Variants in ENPP1 observed in about 807,000 individuals in gnomAD.
The protein encoded by ENPP1 is ectonucleotide pyrophosphatase/phosphodiesterase family member 1.
ENPP1 carries 73 observed loss-of-function variants against 122.8 expected under a neutral mutation model. That is an observed-to-expected ratio of 0.59 (90% CI 0.49 to 0.72). The LOEUF is 0.72. Among genes scored for constraint, ENPP1 ranks in the 30% least tolerant of loss-of-function variants. ENPP1 has a pLI of 0.00. For synonymous variants in ENPP1, 367 were observed against 391.6 expected (o/e 0.94, Z 0.74); for missense variants, 978 against 1,128.1 (o/e 0.87, Z 1.91).
At chr6:131,815,667 C>G (rs897052386) in intron 1 of ENPP1, among the ~76,000 whole-genome samples, 2 of 150,706 alleles carry the variant, frequency 1.3e-5, no homozygotes, top group Non-Finnish European at 2.9e-5. Flanking sequence ...GGCCATTAAC[C>G]TTTCTAGAGC....
rs975968949 is a variant in ENPP1, at chr6:131,892,998, C to T, written c.*2487C>T. 2 of 152,134 alleles carry T rather than the reference C, an allele frequency of 1.3e-5. No individual in the cohort carries two copies. The highest frequency in any genetic ancestry group is 2.9e-5 in the Non-Finnish European group (2 of 68,026). 9.4% of individuals were successfully genotyped at this position (152,134 alleles called of 1,614,324 possible). ...AGCTGAAAAGAAAATGTAGGGAACTCATCACAGTGTTGTTACTTGGGCCCC... is the reference window on the plus strand; with the variant it reads ...AGCTGAAAAGAAAATGTAGGGAACTTATCACAGTGTTGTTACTTGGGCCCC... On this transcript the variant is annotated 3_prime_UTR_variant, in exon 25 of 25. Transcript: ENST00000647893.
At chr6:131,850,168 T>G (rs894373120) in intron 3 of ENPP1, 62 bp downstream of exon 3, 1 of 1,167,816 alleles carries the variant, frequency 8.6e-7, no homozygotes, top group South Asian at 1.2e-5. Flanking sequence ...AGGAAAGTTC[T>G]GTGTCTTTCA....
At chr6:131,850,190 T>C in intron 3 of ENPP1, 84 bp downstream of exon 3, 2 of 957,244 alleles carry the variant, frequency 2.1e-6, no homozygotes, top group Non-Finnish European at 1.7e-6. Context: ...GTATGTGATT[T>C]ACCTAATTCA....
chr6:131,886,849 A>G (rs1782384857), intron 24 of ENPP1, 125 bp downstream of exon 24: 2 of 662,248 alleles, frequency 3.0e-6, no homozygotes, highest in Middle Eastern at 2.6e-4. Flanking sequence ...CTTCGAAATT[A>G]TAGGATGCTT....
intron 13 of ENPP1, 90 bp downstream of exon 13, chr6:131,869,579 A>G (rs1334477605): frequency 7.0e-7 from 1 of 1,425,186 alleles, no homozygotes; most frequent in Non-Finnish European, 9.8e-7. Flanking sequence ...CTGTAATCGC[A>G]GCACTTTGGG....
chr6:131,879,245 G>A (rs1782271642), intron 19 of ENPP1, among the ~76,000 whole-genome samples: 1 of 152,144 alleles, frequency 6.6e-6, no homozygotes, highest in South Asian at 2.1e-4. Context: ...GTATTGTGGT[G>A]AATGATGGCA....
At chr6:131,840,432 CA>C (rs1472821862) in intron 1 of ENPP1, among the ~76,000 whole-genome samples, 1 of 152,206 alleles carries the variant, frequency 6.6e-6, no homozygotes, top group African/African-American at 2.4e-5. Flanking sequence ...AGTTGACAAA[CA>C]TTGGTAAAGT....
chr6:131,882,534 A>G, intron 21 of ENPP1, 60 bp downstream of exon 21: 1 of 1,248,562 alleles, frequency 8.0e-7, no homozygotes, highest in Non-Finnish European at 1.1e-6. Flanking sequence ...TCTTGTTTAT[A>G]AATCCTACCA....
chr6:131,872,729 T>C (rs1483371473), intron 14 of ENPP1, among the ~76,000 whole-genome samples, 194 bp from the exon 15 acceptor site: 1 of 152,118 alleles, frequency 6.6e-6, no homozygotes, highest in East Asian at 1.9e-4. Flanking sequence ...TTCATCTGAC[T>C]TATTGGGCCA....
At chr6:131,866,246 CTCTT>C (rs1447654271) in intron 11 of ENPP1, among the ~76,000 whole-genome samples, 1 of 152,108 alleles carries the variant, frequency 6.6e-6, no homozygotes. Context: ...AAAAAAAACA[CTCTT>C]TCTTAATTTT....
At chr6:131,858,562 G>A (rs1442430801) in intron 6 of ENPP1, 106 bp from the exon 7 acceptor site, 1 of 727,620 alleles carries the variant, frequency 1.4e-6, no homozygotes, top group African/African-American at 1.8e-5. Flanking sequence ...ATCCCTCCTG[G>A]GCTAATTTTT....
intron 1 of ENPP1, among the ~76,000 whole-genome samples, chr6:131,819,623 G>T (rs922280546): frequency 1.3e-5 from 2 of 152,200 alleles, no homozygotes; most frequent in African/African-American, 4.8e-5. Context: ...ATGTCAGTCA[G>T]CCAGTTCCCT....
chr6:131,858,542 T>A, intron 6 of ENPP1, 126 bp from the exon 7 acceptor site: 1 of 652,798 alleles, frequency 1.5e-6, no homozygotes. Flanking sequence ...TGAATTTTTA[T>A]CTGATTAAAA....
In ENPP1 at chr6:131,864,547, G is replaced by A; in HGVS notation, c.1067G>A (p.Trp356Ter). Residue 356 changes from tryptophan to a stop codon, truncating the protein, a stop_gained, in exon 10 of 25, where the codon TGG (tryptophan) becomes TAG (stop). Transcript: ENST00000647893. LOFTEE classifies it high-confidence loss of function. Reference protein sequence around the residue: ...FEERILAVLQWLQLPKDERPH... With the variant: ...FEERILAVLQ ...GAAAGGATTTTAGCTGTTCTTCAGTGGCTACAGCTTCCTAAAGATGAAAGG... is the reference window on the plus strand; with the variant it reads ...GAAAGGATTTTAGCTGTTCTTCAGTAGCTACAGCTTCCTAAAGATGAAAGG... 1 of 1,609,814 alleles carries A rather than the reference G, an allele frequency of 6.2e-7. No homozygotes were observed. Among genetic ancestry groups the A allele is most frequent in the Non-Finnish European group, 8.5e-7 (1 of 1,176,472 alleles).
rs1023846122 is a variant in ENPP1 at position 131,851,274 on chromosome 6, T to A, written c.556+7T>A. The A allele has an allele frequency of 6.2e-7, 1 of 1,613,990 alleles. No individual in the cohort carries two copies. Among genetic ancestry groups the A allele is most frequent in the African/African-American group, 1.3e-5 (1 of 74,930 alleles). On this transcript the variant is annotated splice_region_variant and intron_variant, in intron 4 of 24. Transcript: ENST00000647893. ...TACAGTTCTGTGTGTCAAGGTCAGGTGCTCGTTGGGCTCTGCAGCAGCCTG... is the reference window on the plus strand; with the variant it reads ...TACAGTTCTGTGTGTCAAGGTCAGGAGCTCGTTGGGCTCTGCAGCAGCCTG...
At chr6:131,826,297 TG>T in intron 1 of ENPP1, 2 of 1,359,902 alleles carry the variant, frequency 1.5e-6, no homozygotes, top group Non-Finnish European at 1.0e-6. Context: ...ACTCAGATAC[TG>T]GATTTCTTCT....
intron 18 of ENPP1, among the ~76,000 whole-genome samples, chr6:131,878,067 C>G (rs1329911986): frequency 6.6e-6 from 1 of 151,426 alleles, no homozygotes; most frequent in African/African-American, 2.4e-5. Context: ...TCTTTTGCAA[C>G]TGTCATTCCT....
At chr6:131,862,249 G>A (rs1239600222) in intron 9 of ENPP1, among the ~76,000 whole-genome samples, 1 of 152,070 alleles carries the variant, frequency 6.6e-6, no homozygotes, top group African/African-American at 2.4e-5. Flanking sequence ...GAGAAACACC[G>A]ATAACGTGTT....
rs1028464852 is a variant in ENPP1 at position 131,891,617 on chromosome 6, A to G, written c.*1106A>G. 1 of 152,226 alleles carries G rather than the reference A, an allele frequency of 6.6e-6. No individual in the cohort carries two copies. The highest frequency in any genetic ancestry group is 2.4e-5 in the African/African-American group (1 of 41,470). The allele number at this position is 152,226 out of a possible 1,614,324, so 9.4% of individuals were successfully genotyped here. On this transcript the variant is annotated 3_prime_UTR_variant, in exon 25 of 25. Transcript: ENST00000647893. ...TAGGCTACATAGGTCCAATTGAGGT[A>G]TAATATCAGTACACCAAAGATTTTT...
Sources: allele counts gnomAD v4.1 joint callset (sites outside exome capture counted in the v4.1 genomes callset), GRCh38; gene constraint gnomAD v4.1.1; transcripts MANE v1.5; gene names NCBI Gene and HGNC (gene_info 2026-07-23, HGNC 2026-07-21).